Variants in TG observed in about 807,000 individuals in gnomAD.
The protein encoded by TG is thyroid hormones.
A neutral mutation model predicts 324.7 loss-of-function variants in TG; 270 were observed. The observed-to-expected ratio is 0.83, with a 90% CI of 0.75 to 0.92. TG has a LOEUF of 0.92. Ranked by LOEUF, TG falls within the 40% of genes least tolerant of loss-of-function variation. The probability of loss-of-function intolerance (pLI) is 0.00; values close to 1 mark genes in which losing one functional copy is unlikely to be tolerated. For synonymous variants in TG, 1,401 were observed against 1,327.0 expected, an observed-to-expected ratio of 1.06 and a Z score of -1.21; for missense variants, 3,591 against 3,456.4, an observed-to-expected ratio of 1.04 and a Z score of -0.98.
Position 132,994,934 on chromosome 8 carries a change from T to C in TG, c.6262+11522T>C. On this transcript the variant is annotated intron_variant, in intron 35 of 47. Transcript: ENST00000220616. ...GAGTATTCAAATATGTTGAAGATTC[T>C]CTTGTTGTGAGAGGGGTTGGCTTAA... is the stretch of plus-strand genomic sequence containing the variant. 1.0e-5 allele frequency: 11 copies of C among 1,096,278 alleles called. No homozygotes were observed. The South Asian group carries it at 2.4e-4, about 23-fold the overall frequency. The allele number at this position is 1,096,278 out of a possible 1,614,324, so 67.9% of individuals were successfully genotyped here.
chr8:132,910,725 A>T (rs1403491), intron 18 of TG, among the ~76,000 whole-genome samples: 62,755 of 152,110 alleles, frequency 0.41, 15,759 homozygotes, highest in Admixed American at 0.54. Flanking sequence ...TGAGAAAAAA[A>T]GTTCTGTTGT....
intron 40 of TG, among the ~76,000 whole-genome samples, chr8:133,027,765 A>G (rs1408131808): frequency 6.6e-6 from 1 of 152,254 alleles, no homozygotes; most frequent in Non-Finnish European, 1.5e-5. Context: ...TCTAATTGTG[A>G]AATAGGATTT....
chr8:132,973,817 C>A (rs528127038), intron 34 of TG, among the ~76,000 whole-genome samples: 2 of 152,162 alleles, frequency 1.3e-5, no homozygotes, highest in East Asian at 3.9e-4. Context: ...AGAGGCTGAG[C>A]AGAGGTTTAG....
At chr8:132,958,019 A>G (rs1399960248) in intron 27 of TG, among the ~76,000 whole-genome samples, 2 of 152,112 alleles carry the variant, frequency 1.3e-5, no homozygotes, top group African/African-American at 4.8e-5. Context: ...GCTCCCACAT[A>G]TCAGTGAGAA....
chr8:132,937,610 T>G (rs1453612989), intron 25 of TG, among the ~76,000 whole-genome samples: 1 of 152,150 alleles, frequency 6.6e-6, no homozygotes, highest in African/African-American at 2.4e-5. Flanking sequence ...CATTGTCCTG[T>G]TTTTCTTTTT....
At chr8:132,964,215 C>T (rs906188069) in intron 29 of TG, among the ~76,000 whole-genome samples, 6 of 152,048 alleles carry the variant, frequency 3.9e-5, no homozygotes, top group African/African-American at 9.7e-5. Flanking sequence ...TTTAGGGCAG[C>T]ATCTGCAAAA....
At chr8:133,069,017 A>C (rs760258937) in intron 41 of TG, among the ~76,000 whole-genome samples, 1 of 152,252 alleles carries the variant, frequency 6.6e-6, no homozygotes, top group African/African-American at 2.4e-5. Flanking sequence ...TGGTAAAGAC[A>C]ATTATTTTAA....
At chr8:132,941,246 C>T (rs1824404320) in intron 25 of TG, 105 bp from the exon 26 acceptor site, 2 of 1,345,620 alleles carry the variant, frequency 1.5e-6, no homozygotes, top group Middle Eastern at 1.8e-4. Flanking sequence ...CTGCCTGGAG[C>T]ACTGTTGCAG....
At chr8:133,058,404 C>T (rs1341492229) in intron 41 of TG, among the ~76,000 whole-genome samples, 1 of 152,184 alleles carries the variant, frequency 6.6e-6, no homozygotes, top group Non-Finnish European at 1.5e-5. Context: ...CATAATGGAA[C>T]AAAATCAACT....
chr8:132,963,993 A>T (rs369928927), intron 29 of TG, among the ~76,000 whole-genome samples: 1 of 151,934 alleles, frequency 6.6e-6, no homozygotes, highest in Non-Finnish European at 1.5e-5. Flanking sequence ...GATAGCAACC[A>T]CTTGGCACAG....
At chr8:132,962,615 GC>G (rs1827920361) in intron 28 of TG, among the ~76,000 whole-genome samples, 1 of 152,134 alleles carries the variant, frequency 6.6e-6, no homozygotes, top group Admixed American at 6.5e-5. Flanking sequence ...TCATTTACTG[GC>G]CACTTGAGTG....
intron 41 of TG, among the ~76,000 whole-genome samples, chr8:133,094,341 C>T (rs778263788): frequency 1.1e-4 from 17 of 150,414 alleles, no homozygotes; most frequent in Non-Finnish European, 2.1e-4. Flanking sequence ...CCCGGGTTCA[C>T]GCCATTCTCC....
At chr8:133,108,256 G>T (rs1345123581) in intron 43 of TG, among the ~76,000 whole-genome samples, 4 of 152,110 alleles carry the variant, frequency 2.6e-5, no homozygotes, top group Non-Finnish European at 4.4e-5. Flanking sequence ...AAAGTGCTAG[G>T]ATTACAGGTG....
At chr8:133,004,020 A>G (rs969227939) in intron 35 of TG, among the ~76,000 whole-genome samples, 9 of 152,312 alleles carry the variant, frequency 5.9e-5, no homozygotes, top group African/African-American at 2.2e-4. Flanking sequence ...TGACTTTTTA[A>G]GCACTTCTTA....
chr8:132,913,177 T>G lies in TG; in HGVS notation c.4290T>G (p.Phe1430Leu). 6.2e-7 allele frequency: 1 copy of G among 1,614,174 alleles called. No individual in the cohort carries two copies. Among genetic ancestry groups the G allele is most frequent in the Non-Finnish European group, 8.5e-7 (1 of 1,180,024 alleles). ...ETIRFLQGDH[F>L]GTSPRTWFGC... ...TCCGCTTCCTCCAAGGGGACCACTTTGGCACCTCTCCCAGGACATGGTTTG... is the reference window on the plus strand; with the variant it reads ...TCCGCTTCCTCCAAGGGGACCACTTGGGCACCTCTCCCAGGACATGGTTTG... The change falls in exon 20 of 48, where the codon TTT becomes TTG. Residue 1430 changes from phenylalanine (F) to leucine (L), a missense_variant. Phe to Leu is a conservative substitution (Grantham distance 22). Transcript: ENST00000220616.
intron 35 of TG, among the ~76,000 whole-genome samples, chr8:133,004,716 G>T (rs1412479764): frequency 6.6e-6 from 1 of 152,170 alleles, no homozygotes; most frequent in African/African-American, 2.4e-5. Flanking sequence ...CAGCTGGAGT[G>T]ACTGACCCTG....
intron 41 of TG, chr8:133,060,321 C>CT (rs1471572091): frequency 6.4e-7 from 1 of 1,557,054 alleles, no homozygotes; most frequent in Non-Finnish European, 8.7e-7. Flanking sequence ...TGAAAGGCGG[C>CT]TGTTTATATG....
At chr8:133,071,485 T>C (rs17623738) in intron 41 of TG, among the ~76,000 whole-genome samples, 39,491 of 152,082 alleles carry the variant, frequency 0.26, 5,234 homozygotes, top group South Asian at 0.31. Context: ...TAGAGGGTTA[T>C]GCTTGTCATA....
chr8:132,880,963 A>G lies in TG; in HGVS notation c.639-900A>G, dbSNP rs554764915. Among the ~76,000 whole-genome samples the G allele has an allele frequency of 2.0e-5, 3 of 152,356 alleles. No homozygotes were observed. The South Asian group carries it at 6.2e-4, about 32-fold the overall frequency. On this transcript the variant is annotated intron_variant, in intron 5 of 47. Transcript: ENST00000220616. ...GAATAGATTGCACAGCAATTGGCCT[A>G]TCATTGTACACAGCTGCTGCTTCCG... is the stretch of plus-strand genomic sequence containing the variant.
Sources: allele counts gnomAD v4.1 joint callset (sites outside exome capture counted in the v4.1 genomes callset), GRCh38; gene constraint gnomAD v4.1.1; transcripts MANE v1.5; gene names NCBI Gene and HGNC (gene_info 2026-07-23, HGNC 2026-07-21).